Variants in MRPS2 observed in about 807,000 individuals in gnomAD.
The protein encoded by MRPS2 is mitochondrial ribosomal protein S2.
Under a neutral mutation model 18.9 loss-of-function variants are expected in MRPS2, and 13 were observed. The observed-to-expected ratio is 0.69, with a 90% CI of 0.45 to 1.09. The LOEUF (loss-of-function observed/expected upper bound fraction) is 1.09. Ranked by LOEUF, MRPS2 falls within the 50% of genes least tolerant of loss-of-function variation. MRPS2 has a pLI of 0.00. For synonymous variants in MRPS2, 186 were observed against 178.4 expected, an observed-to-expected ratio of 1.04 and a Z score of -0.34; for missense variants, 389 against 421.7, an observed-to-expected ratio of 0.92 and a Z score of 0.68.
Position 135,500,724 on chromosome 9 carries a change from C to G in MRPS2, c.14C>G (p.Ser5Trp). 6.8e-7 allele frequency: 1 copy of G among 1,481,286 alleles called. No individual in the cohort carries two copies. Among genetic ancestry groups the G allele is most frequent in the Non-Finnish European group, 8.9e-7 (1 of 1,121,798 alleles). The allele number at this position is 1,481,286 out of a possible 1,614,324, so 91.8% of individuals were successfully genotyped here. The change falls in exon 1 of 4, where the codon TCG (serine) becomes TGG (tryptophan). Residue 5 changes from serine (S) to tryptophan (W), a missense_variant. Ser to Trp is a radical substitution (Grantham distance 177). Transcript: ENST00000241600. The stretch of plus-strand genomic sequence containing the variant: ...CGCGTCCCAGCCATGGCGACATCCT[C>G]GGCCGCGCTGCCCCGAATACTCGGC... MATSSAALPRILGAG... is the reference protein window; with the variant it reads MATSWAALPRILGAG...
At chr9:135,500,680 G>C, upstream of MRPS2, 1 of 1,455,274 alleles carries the variant, frequency 6.9e-7, no homozygotes, top group Non-Finnish European at 9.0e-7. Context: ...CTGGCCTGGA[G>C]GGAGACCTCG....
intron 2 of MRPS2, 68 bp downstream of exon 2, chr9:135,501,191 C>A: frequency 6.7e-7 from 1 of 1,502,272 alleles, no homozygotes; most frequent in South Asian, 1.3e-5. Flanking sequence ...GGGATGCGAA[C>A]CCTAGAGGGG....
intron 3 of MRPS2, 63 bp from the exon 4 acceptor site, chr9:135,503,479 A>T: frequency 6.6e-7 from 1 of 1,514,186 alleles, no homozygotes. Context: ...TGTTCCTGCA[A>T]GGAGCCAGTG....
chr9:135,500,889 C>CT, intron 1 of MRPS2, 109 bp from the exon 2 acceptor site: 1 of 1,551,966 alleles, frequency 6.4e-7, no homozygotes, highest in Non-Finnish European at 8.8e-7. Context: ...GGCGCGGGGA[C>CT]GCGGAGGGGA....
upstream of MRPS2, chr9:135,500,065 C>T (rs1408784290): frequency 5.4e-6 from 3 of 558,270 alleles, no homozygotes; most frequent in Non-Finnish European, 9.0e-6. Context: ...TGAGGCAGCC[C>T]CAGGCCCCCA....
upstream of MRPS2, chr9:135,500,246 G>GC (rs1484844843): frequency 2.8e-5 from 8 of 284,546 alleles, no homozygotes; most frequent in East Asian, 3.4e-4. Flanking sequence ...GGGATGCTAT[G>GC]CCCCCCAGCA....
chr9:135,500,641 G>C (rs1024710059), upstream of MRPS2: 2 of 1,388,864 alleles, frequency 1.4e-6, no homozygotes, highest in Admixed American at 6.8e-5. Flanking sequence ...GCCCCGCGCG[G>C]ATGGCGACGG....
At chr9:135,503,302 G>T (rs180906685) in intron 3 of MRPS2, 2 of 1,396,044 alleles carry the variant, frequency 1.4e-6, no homozygotes, top group Admixed American at 6.3e-5. Flanking sequence ...GGATTCCTTC[G>T]GGAAGAGGTA....
rs373373056 is a variant in MRPS2, at chr9:135,503,632, C to T, written c.390C>T (p.Asn130=). ...QTATHLQLAL[N]FTAHMAYRKG... ...CCACGCACCTCCAGCTGGCCTTGAA[C>T]TTCACCGCCCACATGGCCTACCGCA... Residue 130 remains asparagine, a synonymous_variant, in exon 4 of 4, where the codon AAC becomes AAT. Coordinates refer to ENST00000241600, the MANE Select transcript of MRPS2 (RefSeq NM_016034.5). 3.1e-6 allele frequency: 5 copies of T among 1,613,742 alleles called. No homozygotes were observed. The highest frequency in any genetic ancestry group is 4.2e-6 in the Non-Finnish European group (5 of 1,180,048).
At chr9:135,503,268 A>C in intron 3 of MRPS2, 7 of 1,293,800 alleles carry the variant, frequency 5.4e-6, no homozygotes, top group Non-Finnish European at 2.0e-6. Flanking sequence ...ATGTCCACAC[A>C]TCCATATGGG....
chr9:135,500,426 A>G (rs937937231), upstream of MRPS2: 3 of 408,294 alleles, frequency 7.3e-6, no homozygotes, highest in South Asian at 2.5e-4. Context: ...GGGCTTCCCC[A>G]AGGGTCAGGG....
At position 135,501,900 on chromosome 9, in the gene MRPS2, A is replaced by C. The variant is rs560625767; in HGVS notation, c.226A>C (p.Lys76Gln). The change falls in exon 3 of 4, where the codon AAG (lysine) becomes CAG (glutamine). Residue 76 changes from lysine (K) to glutamine (Q), a missense_variant. Physicochemically the swap from Lys to Gln is moderately conservative, Grantham distance 53. Coordinates refer to ENST00000241600, the MANE Select transcript of MRPS2 (RefSeq NM_016034.5). Reference sequence around the variant, plus strand: ...CAAGCACTCTGACTTCTTCAATGTCAAGGAACTGTTTTCCGTGAGAAGCCT... The same window carrying C: ...CAAGCACTCTGACTTCTTCAATGTCCAGGAACTGTTTTCCGTGAGAAGCCT... ...PLKHSDFFNV[K>Q]ELFSVRSLFD... 1 of 1,613,862 alleles carries C rather than the reference A, an allele frequency of 6.2e-7. No individual in the cohort carries two copies. Among genetic ancestry groups the C allele is most frequent in the Non-Finnish European group, 8.5e-7 (1 of 1,179,994 alleles).
At chr9:135,501,709 G>A in intron 2 of MRPS2, 135 bp from the exon 3 acceptor site, 2 of 1,494,452 alleles carry the variant, frequency 1.3e-6, no homozygotes, top group Non-Finnish European at 1.8e-6. Context: ...GTCTTTCCTG[G>A]GGCTGCTGGG....
Position 135,504,021 on chromosome 9 carries a change from C to G in MRPS2, c.779C>G (p.Ala260Gly). ...CRLFQTAITR[A>G]KEKRQQVEAL... is the part of the protein sequence containing the mutation. ...CTCTTCCAGACGGCCATCACCCGGGCCAAGGAGAAGCGGCAGCAGGTTGAG... is the reference window on the plus strand; with the variant it reads ...CTCTTCCAGACGGCCATCACCCGGGGCAAGGAGAAGCGGCAGCAGGTTGAG... Residue 260 changes from alanine to glycine, a missense_variant, in exon 4 of 4, where the codon GCC becomes GGC. Transcript: ENST00000241600. This position sits in a 1 kb window ranked among gnomAD's most constrained non-coding sequence, Gnocchi z 4.3. 6.2e-7 allele frequency: 1 copy of G among 1,613,444 alleles called. No homozygotes were observed.
rs762550072 is a variant in MRPS2, at chr9:135,501,984, C to G, written c.299+11C>G. On this transcript the variant is annotated intron_variant, in intron 3 of 3. Coordinates refer to ENST00000241600, the MANE Select transcript of MRPS2 (RefSeq NM_016034.5). The stretch of plus-strand genomic sequence containing the variant: ...TGGCTGTCGGCACAGGTAGGTGACA[C>G]CCCCATCTGAGCCCGGGGCGGTTCC... 2 of 1,613,116 alleles carry G rather than the reference C, an allele frequency of 1.2e-6. No homozygotes were observed. The highest frequency in any genetic ancestry group is 1.7e-6 in the Non-Finnish European group (2 of 1,179,854).
intron 3 of MRPS2, chr9:135,503,297 C>G: frequency 7.2e-7 from 1 of 1,393,280 alleles, no homozygotes; most frequent in Non-Finnish European, 9.3e-7. Flanking sequence ...TATTAGGATT[C>G]CTTCGGGAAG....
intron 3 of MRPS2, chr9:135,502,993 G>C (rs939349890): frequency 8.8e-6 from 5 of 567,038 alleles, no homozygotes; most frequent in Non-Finnish European, 1.1e-5. Flanking sequence ...TGGATGACTC[G>C]CCTGTCACGC....
At position 135,504,078 on chromosome 9, in the gene MRPS2, C is replaced by G; in HGVS notation, c.836C>G (p.Pro279Arg). ...TATCGCCTGCAGGGCCAGAAGGAGC[C>G]CGGGGACCAGGGGCCAGCCCACCCT... ...ALYRLQGQKE[P>R]GDQGPAHPPG... The change falls in exon 4 of 4, where the codon CCC becomes CGC. Residue 279 changes from proline to arginine, a missense_variant. By Grantham distance (103) the Pro-to-Arg change is moderately radical (BLOSUM62 -2). Transcript: ENST00000241600. This position sits in a 1 kb window ranked among gnomAD's most constrained non-coding sequence, Gnocchi z 4.3. 1 of 1,612,566 alleles carries G rather than the reference C, an allele frequency of 6.2e-7. No homozygotes were observed. The highest frequency in any genetic ancestry group is 8.5e-7 in the Non-Finnish European group (1 of 1,179,978).
chr9:135,501,243 C>T, intron 2 of MRPS2, 120 bp downstream of exon 2: 8 of 1,438,142 alleles, frequency 5.6e-6, no homozygotes, highest in Non-Finnish European at 7.3e-6. Flanking sequence ...CTCCGCTGGG[C>T]TCCTCCCACT....
Sources: gnomAD v4.1 joint callset for allele counts on GRCh38, gnomAD v4.1.1 for gene constraint, Gnocchi (gnomAD v3.1) non-coding constraint, MANE v1.5 for transcripts, NCBI Gene and HGNC (gene_info 2026-07-23, HGNC 2026-07-21) for gene names.